Variants in KCNK10 observed in about 807,000 individuals in gnomAD.
KCNK10 encodes the protein potassium channel subfamily K member 10.
KCNK10 carries 25 observed loss-of-function variants against 47.7 expected under a neutral mutation model. The ratio of observed to expected loss-of-function variants is 0.52; its 90% CI spans 0.38 to 0.73. The LOEUF (loss-of-function observed/expected upper bound fraction) is 0.73. Ranked by LOEUF, KCNK10 falls within the 30% of genes least tolerant of loss-of-function variation. The pLI, the probability that KCNK10 is intolerant of heterozygous loss-of-function variation, is 0.00. For synonymous variants in KCNK10, 303 were observed against 285.6 expected (o/e 1.06, Z -0.61); for missense variants, 563 against 714.5 (o/e 0.79, Z 2.42).
intron 1 of KCNK10, among the ~76,000 whole-genome samples, chr14:88,265,437 G>A (rs894839436): frequency 6.6e-6 from 1 of 152,096 alleles, no homozygotes; most frequent in South Asian, 2.1e-4. Context: ...AAAAGGCAAG[G>A]GAAGGATCCT....
At chr14:88,253,203 G>A (rs566178692) in intron 2 of KCNK10, among the ~76,000 whole-genome samples, 2 of 152,294 alleles carry the variant, frequency 1.3e-5, no homozygotes, top group African/African-American at 4.8e-5. Flanking sequence ...AATAAATAAT[G>A]CTGACTGGAA....
rs111506656 is a variant in KCNK10, at chr14:88,258,524, C to G, written c.402+4678G>C. ...CAGGCTGGTCTCAAACTCCTGACATCGTGATCCGCTTGACTCGGCCTCCCA... is the reference window on the plus strand; with the variant it reads ...CAGGCTGGTCTCAAACTCCTGACATGGTGATCCGCTTGACTCGGCCTCCCA... On this transcript the variant is annotated intron_variant, in intron 2 of 6. Coordinates refer to ENST00000319231, the MANE Select transcript of KCNK10 (RefSeq NM_138317.3). Among the ~76,000 whole-genome samples, 928 of 152,240 alleles carry G rather than the reference C, an allele frequency of 6.1e-3. 12 individuals are homozygous for G. Among genetic ancestry groups the G allele is most frequent in the African/African-American group, 0.021 (871 of 41,554 alleles).
chr14:88,326,479 G>C (rs1238763739), upstream of KCNK10: 3 of 1,607,340 alleles, frequency 1.9e-6, no homozygotes, highest in African/African-American at 2.7e-5. Context: ...CGCTCCAAGC[G>C]GTTCTGTCTC....
At chr14:88,248,976 G>C (rs1292971668) in intron 2 of KCNK10, among the ~76,000 whole-genome samples, 1 of 152,138 alleles carries the variant, frequency 6.6e-6, no homozygotes, top group Non-Finnish European at 1.5e-5. Flanking sequence ...ATAGTAGTTA[G>C]GAAGTGTCAG....
At chr14:88,313,707 A>G (rs1888372702) in intron 1 of KCNK10, among the ~76,000 whole-genome samples, 1 of 152,346 alleles carries the variant, frequency 6.6e-6, no homozygotes, top group South Asian at 2.1e-4. Context: ...ACAGACTCCT[A>G]GTCAGACCAC....
intron 1 of KCNK10, among the ~76,000 whole-genome samples, chr14:88,296,534 T>C (rs1456474425): frequency 6.6e-6 from 1 of 152,348 alleles, no homozygotes; most frequent in African/African-American, 2.4e-5. Context: ...CTATCTCCCA[T>C]GCTGCAGCTG....
chr14:88,325,549 G>C (rs1393970380), upstream of KCNK10, among the ~76,000 whole-genome samples: 1 of 152,154 alleles, frequency 6.6e-6, no homozygotes, highest in Non-Finnish European at 1.5e-5. Context: ...CAAGTTTGTT[G>C]ACACAAAGGT....
At chr14:88,235,133 C>T (rs777814208) in intron 3 of KCNK10, 1 of 456,394 alleles carries the variant, frequency 2.2e-6, no homozygotes, top group Non-Finnish European at 4.4e-6. Flanking sequence ...ACAGAAGGAC[C>T]CTATTTGCAG....
At chr14:88,226,594 A>ATTTC (rs1885994872) in intron 4 of KCNK10, among the ~76,000 whole-genome samples, 2 of 152,198 alleles carry the variant, frequency 1.3e-5, no homozygotes, top group African/African-American at 4.8e-5. Context: ...ATCTGAGCAA[A>ATTTC]ACAGGTGTTC....
At chr14:88,313,350 C>G (rs1888365870) in intron 1 of KCNK10, among the ~76,000 whole-genome samples, 1 of 152,168 alleles carries the variant, frequency 6.6e-6, no homozygotes. Context: ...GTGATCACCC[C>G]CACCACTCCC....
intron 4 of KCNK10, among the ~76,000 whole-genome samples, chr14:88,212,131 T>TATATATATATATATATATAG (rs1566687352): frequency 1.2e-5 from 1 of 86,514 alleles, no homozygotes; most frequent in African/African-American, 3.8e-5. Context: ...TATATATATA[T>TATATATATATATATATATAG]CGAGAGAGAG....
intron 5 of KCNK10, 90 bp downstream of exon 5, chr14:88,192,134 C>A: frequency 7.9e-7 from 1 of 1,272,238 alleles, no homozygotes; most frequent in South Asian, 1.4e-5. Flanking sequence ...TTGCTTCTCC[C>A]GCAACATCTT....
intron 2 of KCNK10, among the ~76,000 whole-genome samples, chr14:88,253,109 C>T (rs912499223): frequency 2.6e-5 from 4 of 152,142 alleles, no homozygotes; most frequent in African/African-American, 2.4e-5. Flanking sequence ...CAGTGGCCGC[C>T]TCTTGGTGCA....
chr14:88,274,212 C>T (rs898748982), intron 1 of KCNK10, among the ~76,000 whole-genome samples: 1 of 151,990 alleles, frequency 6.6e-6, no homozygotes, highest in Non-Finnish European at 1.5e-5. Context: ...CCCTCTTCTT[C>T]CACACACACT....
chr14:88,261,375 T>C (rs1264750648), intron 2 of KCNK10, among the ~76,000 whole-genome samples: 1 of 152,222 alleles, frequency 6.6e-6, no homozygotes, highest in Non-Finnish European at 1.5e-5. Context: ...GTTTATTCCA[T>C]TCTCTATAGC....
intron 4 of KCNK10, among the ~76,000 whole-genome samples, chr14:88,215,808 G>T (rs957217434): frequency 6.6e-6 from 1 of 152,156 alleles, no homozygotes; most frequent in Non-Finnish European, 1.5e-5. Flanking sequence ...ATGTTTAAAT[G>T]ATAAACGCTA....
chr14:88,285,314 GT>G (rs1887737078), intron 1 of KCNK10, among the ~76,000 whole-genome samples: 1 of 152,146 alleles, frequency 6.6e-6, no homozygotes, highest in African/African-American at 2.4e-5. Context: ...GTTTCGCCAT[GT>G]TGGCCGGGGT....
chr14:88,305,957 C>T (rs78077157), intron 1 of KCNK10, among the ~76,000 whole-genome samples: 5,029 of 152,280 alleles, frequency 0.033, 139 homozygotes, highest in African/African-American at 0.067. Context: ...TGGTTGAGGG[C>T]TCCTCCTGGG....
In KCNK10 at chr14:88,185,643, C is replaced by T. The variant is rs943702888; in HGVS notation, c.1524G>A (p.Met508Ile). Residue 508 changes from methionine to isoleucine, a missense_variant, in exon 7 of 7, where the codon ATG (methionine) becomes ATA (isoleucine). Transcript: ENST00000319231. The surrounding 1 kb of genome is among the most constrained non-coding windows in gnomAD (Gnocchi z 4.3). ...CGTGCTGCTGGATACAGTCCGTCAG[C>T]ATGGCTGTGCTGGAGTTGTCTGAGT... is the stretch of plus-strand genomic sequence containing the variant. ...MCNSDNSSTA[M>I]LTDCIQQHAE... 1 of 1,614,116 alleles carries T rather than the reference C, an allele frequency of 6.2e-7. No homozygotes were observed. Among genetic ancestry groups the T allele is most frequent in the African/African-American group, 1.3e-5 (1 of 74,938 alleles).
Sources: gnomAD v4.1 joint callset for allele counts (sites outside exome capture counted in the v4.1 genomes callset) on GRCh38, gnomAD v4.1.1 for gene constraint, Gnocchi (gnomAD v3.1) non-coding constraint, MANE v1.5 for transcripts, NCBI Gene and HGNC (gene_info 2026-07-23, HGNC 2026-07-21) for gene names.